The following ATXN3 variants were observed in gnomAD, a reference collection of about 807,000 sequenced individuals.
The protein encoded by ATXN3 is ataxin 3, also known as ataxin-3.
A neutral mutation model predicts 58.2 loss-of-function variants in ATXN3; 28 were observed. That is an observed-to-expected ratio of 0.48 (90% confidence interval 0.36 to 0.66). ATXN3 has a LOEUF of 0.66. Ranked by LOEUF, ATXN3 falls within the 30% of genes least tolerant of loss-of-function variation. The pLI is 0.00. For missense variants in ATXN3, 321 were observed against 422.1 expected (o/e 0.76, Z 2.10); for synonymous variants, 113 against 138.5 (o/e 0.82, Z 1.29).
rs2140205521 is a variant in ATXN3 at position 92,062,413 on chromosome 14, A to G, written c.*1907T>C. Reference sequence around the variant, plus strand: ...TGGTTTTCTCATTTTTATATTAGGTAGCTCATCAATTCAAGTGTATGAAAA... The same window carrying G: ...TGGTTTTCTCATTTTTATATTAGGTGGCTCATCAATTCAAGTGTATGAAAA... On this transcript the variant is annotated 3_prime_UTR_variant, in exon 11 of 11. Transcript: ENST00000644486. 6.6e-6 allele frequency: 1 copy of G among 152,342 alleles called. No individual in the cohort carries two copies. Among genetic ancestry groups the G allele is most frequent in the East Asian group, 1.9e-4 (1 of 5,194 alleles). 9.4% of individuals were successfully genotyped at this position (152,342 alleles called of 1,614,324 possible). A position where few individuals can be genotyped will look rare whatever the true frequency, so the allele number is the denominator to read the frequency against.
At chr14:92,095,221 G>C (rs1240347357) in intron 3 of ATXN3, among the ~76,000 whole-genome samples, 4 of 152,074 alleles carry the variant, frequency 2.6e-5, no homozygotes, top group Non-Finnish European at 5.9e-5. Context: ...GTAAGTTTGA[G>C]ACATTGTGAC....
intron 6 of ATXN3, chr14:92,083,474 T>G (rs1263542806): frequency 3.0e-6 from 2 of 661,194 alleles, no homozygotes; most frequent in Non-Finnish European, 5.5e-6. Flanking sequence ...TTCTCCATTG[T>G]AAGACTGGAA....
Position 92,062,849 on chromosome 14 carries a change from A to G in ATXN3, c.*1471T>C, listed in dbSNP as rs745959046. ...TTTCCCTGATAAAATGTGTGCAGCCACACACCAGGAGGGCAATATACCATA... is the reference window on the plus strand; with the variant it reads ...TTTCCCTGATAAAATGTGTGCAGCCGCACACCAGGAGGGCAATATACCATA... On this transcript the variant is annotated 3_prime_UTR_variant, in exon 11 of 11. Transcript: ENST00000644486. 1.3e-5 allele frequency: 2 copies of G among 152,638 alleles called. No homozygotes were observed. The highest frequency in any genetic ancestry group is 6.5e-5 in the Admixed American group (1 of 15,280). 9.5% of individuals were successfully genotyped at this position (152,638 alleles called of 1,614,324 possible). A position where few individuals can be genotyped will look rare whatever the true frequency, so the allele number is the denominator to read the frequency against.
At chr14:92,076,624 T>C (rs1469539188) in intron 9 of ATXN3, among the ~76,000 whole-genome samples, 1 of 152,006 alleles carries the variant, frequency 6.6e-6, no homozygotes, top group Non-Finnish European at 1.5e-5. Flanking sequence ...TGTATGTCTT[T>C]AGACCATTTT....
At chr14:92,072,694 TAAA>T (rs33967699) in intron 9 of ATXN3, among the ~76,000 whole-genome samples, 12,522 of 90,282 alleles carry the variant, frequency 0.14, 588 homozygotes, top group African/African-American at 0.21. Context: ...AGCTATAGGT[TAAA>T]AAAAAAAAAA....
In ATXN3 at chr14:92,059,753, G is replaced by A. The variant is rs1323673264; in HGVS notation, c.*4567C>T. On this transcript the variant is annotated 3_prime_UTR_variant, in exon 11 of 11. Transcript: ENST00000644486. ...GAATCGCTTGAACCCAGGAGGTGGAGGTTGCAGTGAGCCAACATCGTGTCA... is the reference window on the plus strand; with the variant it reads ...GAATCGCTTGAACCCAGGAGGTGGAAGTTGCAGTGAGCCAACATCGTGTCA... The A allele has an allele frequency of 4.0e-5, 6 of 148,742 alleles. No homozygotes were observed. The highest frequency in any genetic ancestry group is 2.0e-4 in the Admixed American group (3 of 14,968). 9.2% of individuals were successfully genotyped at this position (148,742 alleles called of 1,614,324 possible).
At chr14:92,077,420 C>T (rs1406726454) in intron 9 of ATXN3, among the ~76,000 whole-genome samples, 3 of 151,676 alleles carry the variant, frequency 2.0e-5, no homozygotes, top group Admixed American at 1.3e-4. Context: ...GATCTCTGCT[C>T]ACTGCAAGCT....
intron 5 of ATXN3, among the ~76,000 whole-genome samples, chr14:92,089,206 C>T (rs2063220937): frequency 6.6e-6 from 1 of 151,264 alleles, no homozygotes; most frequent in South Asian, 2.1e-4. Context: ...TAGTTAGAGA[C>T]AGCACATTTG....
At position 92,096,153 on chromosome 14, in the gene ATXN3, G is replaced by A. The variant is rs1347700044; in HGVS notation, c.190-16C>T. The A allele has an allele frequency of 6.6e-7, 1 of 1,524,276 alleles. No individual in the cohort carries two copies. The highest frequency in any genetic ancestry group is 9.0e-7 in the Non-Finnish European group (1 of 1,115,680). The allele number at this position is 1,524,276 out of a possible 1,614,324, so 94.4% of individuals were successfully genotyped here. ...CAGAAGGCTGCTGTTAATTTTGACA[G>A]GTAGTTGAAGCAAGGGTGGGGGTGG... On this transcript the variant is annotated splice_polypyrimidine_tract_variant and intron_variant, in intron 2 of 10. Transcript: ENST00000644486.
downstream of ATXN3, among the ~76,000 whole-genome samples, chr14:92,056,121 GCCT>G (rs10554546): frequency 0.28 from 43,003 of 151,938 alleles, 6,427 homozygotes; most frequent in African/African-American, 0.38. Context: ...CTCCCTCCTG[GCCT>G]CCTACGCTAG....
chr14:92,096,229 T>C, intron 2 of ATXN3, 92 bp from the exon 3 acceptor site: 1 of 1,610,580 alleles, frequency 6.2e-7, no homozygotes, highest in Non-Finnish European at 8.5e-7. Context: ...AACAATATCT[T>C]GTGCATTCCC....
chr14:92,054,444 C>T (rs1469044748), downstream of ATXN3, among the ~76,000 whole-genome samples: 1 of 152,188 alleles, frequency 6.6e-6, no homozygotes, highest in African/African-American at 2.4e-5. Flanking sequence ...GACCTCTGGT[C>T]CTCCTTGGTG....
chr14:92,065,033 C>A (rs2058131843), intron 10 of ATXN3, among the ~76,000 whole-genome samples: 1 of 152,074 alleles, frequency 6.6e-6, no homozygotes, highest in South Asian at 2.1e-4. Flanking sequence ...TTCATGTAAC[C>A]ACCACCACTA....
At chr14:92,101,517 C>T (rs965040702) in intron 1 of ATXN3, among the ~76,000 whole-genome samples, 3 of 152,112 alleles carry the variant, frequency 2.0e-5, no homozygotes, top group African/African-American at 7.2e-5. Flanking sequence ...AAGCTTTAAT[C>T]AAAGCAGAAG....
intron 4 of ATXN3, 70 bp from the exon 5 acceptor site, chr14:92,093,388 T>C: frequency 1.3e-6 from 1 of 769,472 alleles, no homozygotes; most frequent in Admixed American, 2.9e-5. Flanking sequence ...CTGGCAAATA[T>C]TATATAAAAT....
At chr14:92,068,614 G>C (rs568911932) in intron 10 of ATXN3, among the ~76,000 whole-genome samples, 1 of 148,362 alleles carries the variant, frequency 6.7e-6, no homozygotes, top group African/African-American at 2.6e-5. Context: ...TTTTGAGACA[G>C]AGTTTTGCTC....
At chr14:92,092,255 A>G (rs1046878488) in intron 5 of ATXN3, among the ~76,000 whole-genome samples, 1 of 152,190 alleles carries the variant, frequency 6.6e-6, no homozygotes, top group Non-Finnish European at 1.5e-5. Context: ...TTCTTTCAGC[A>G]TAATTATTTT....
Position 92,070,744 on chromosome 14 carries a change from C to CTA in ATXN3, c.991+190_991+191insTA. ...TACAGATGTGAGCCACCACATCTAGCTTTTTTTTTTTTTTTTCTTTTGGTA... is the reference window on the plus strand; with the variant it reads ...TACAGATGTGAGCCACCACATCTAGCTATTTTTTTTTTTTTTTTCTTTTGGTA... On this transcript the variant is annotated intron_variant, in intron 10 of 10. Coordinates refer to ENST00000644486, the MANE Select transcript of ATXN3 (RefSeq NM_004993.6). 15 of 1,017,122 alleles carry CTA rather than the reference C, an allele frequency of 1.5e-5. No homozygotes were observed. The South Asian group carries it at 3.0e-4, about 21-fold the overall frequency. 63.0% of individuals were successfully genotyped at this position (1,017,122 alleles called of 1,614,324 possible). A position where few individuals can be genotyped will look rare whatever the true frequency, so the allele number is the denominator to read the frequency against.
At chr14:92,054,798 G>A (rs1186177437), downstream of ATXN3, among the ~76,000 whole-genome samples, 14 of 151,970 alleles carry the variant, frequency 9.2e-5, no homozygotes, top group East Asian at 1.2e-3. Flanking sequence ...TATCATCCCC[G>A]GACTGGCAGT....
Sources: gnomAD v4.1 joint callset for allele counts (sites outside exome capture counted in the v4.1 genomes callset) on GRCh38, gnomAD v4.1.1 for gene constraint, MANE v1.5 for transcripts, NCBI Gene and HGNC (gene_info 2026-07-23, HGNC 2026-07-21) for gene names.